CADPS2: variants seen among roughly 807,000 people sequenced by gnomAD.
CADPS2 encodes the protein calcium dependent secretion activator 2, also known as calcium-dependent secretion activator 2.
A neutral mutation model predicts 172.5 loss-of-function variants in CADPS2; 93 were observed. The ratio of observed to expected loss-of-function variants is 0.54; its 90% CI spans 0.46 to 0.64. The LOEUF (loss-of-function observed/expected upper bound fraction) is 0.64. Ranked by LOEUF, CADPS2 falls within the 30% of genes least tolerant of loss-of-function variation. The pLI is 0.00. For synonymous variants in CADPS2, 546 were observed against 555.2 expected, an observed-to-expected ratio of 0.98 and a Z score of 0.23; for missense variants, 1,420 against 1,565.9, an observed-to-expected ratio of 0.91 and a Z score of 1.57.
intron 12 of CADPS2, among the ~76,000 whole-genome samples, chr7:122,478,191 G>A (rs759886425): frequency 6.6e-6 from 1 of 152,090 alleles, no homozygotes; most frequent in Non-Finnish European, 1.5e-5. Context: ...TTCAATTAAT[G>A]TTACTATAAC....
intron 6 of CADPS2, 106 bp downstream of exon 6, chr7:122,615,075 T>G: frequency 1.8e-6 from 1 of 558,824 alleles, no homozygotes; most frequent in Non-Finnish European, 3.0e-6. Flanking sequence ...AAATAGCAGT[T>G]TTAGAGGGTA....
intron 2 of CADPS2, chr7:122,701,726 G>A: frequency 1.4e-6 from 1 of 701,714 alleles, no homozygotes; most frequent in South Asian, 2.2e-5. Context: ...TCATACTTGG[G>A]TAGAGAAGCT....
chr7:122,701,158 A>C (rs955087147), intron 2 of CADPS2, among the ~76,000 whole-genome samples: 1 of 152,134 alleles, frequency 6.6e-6, no homozygotes, highest in Non-Finnish European at 1.5e-5. Context: ...AAGAAAAAAA[A>C]ATTTGTTTTT....
At chr7:122,482,829 G>A (rs1032147079) in intron 11 of CADPS2, among the ~76,000 whole-genome samples, 1 of 152,130 alleles carries the variant, frequency 6.6e-6, no homozygotes, top group African/African-American at 2.4e-5. Context: ...GAGCTGCCCA[G>A]CAAGAGACTC....
Position 122,886,207 on chromosome 7 carries a change from G to T in CADPS2, c.131C>A (p.Ala44Glu). 2 of 1,471,550 alleles carry T rather than the reference G, an allele frequency of 1.4e-6. No individual in the cohort carries two copies. Among genetic ancestry groups the T allele is most frequent in the East Asian group, 5.5e-5 (2 of 36,070 alleles). 91.2% of individuals were successfully genotyped at this position (1,471,550 alleles called of 1,614,324 possible). A position where few individuals can be genotyped will look rare whatever the true frequency, so the allele number is the denominator to read the frequency against. Residue 44 changes from alanine to glutamate, a missense_variant, in exon 1 of 30, where the codon GCG (alanine) becomes GAG (glutamate). Physicochemically the swap from Ala to Glu is moderately radical, Grantham distance 107 (BLOSUM62 -1). Transcript: ENST00000449022. ...PAPTREGRRDAPGRAGGGGAA... is the reference protein window; with the variant it reads ...PAPTREGRRDEPGRAGGGGAA... ...GCCGCCGCCGCCCGCGCGCCCCGGC[G>T]CGTCCCGCCGCCCTTCCCGAGTCGG...
intron 6 of CADPS2, among the ~76,000 whole-genome samples, chr7:122,613,559 C>T (rs1208533696): frequency 6.6e-6 from 1 of 152,082 alleles, no homozygotes; most frequent in Non-Finnish European, 1.5e-5. Flanking sequence ...TAACACATGA[C>T]TGTATATAAT....
chr7:122,780,700 A>T (rs1363996051), intron 1 of CADPS2, among the ~76,000 whole-genome samples: 2 of 151,952 alleles, frequency 1.3e-5, no homozygotes, highest in African/African-American at 4.8e-5. Flanking sequence ...TGAGAGAGAG[A>T]GTCTCACTAT....
chr7:122,706,075 G>A (rs1214979747), intron 2 of CADPS2, among the ~76,000 whole-genome samples: 1 of 87,256 alleles, frequency 1.1e-5, no homozygotes, highest in Non-Finnish European at 2.0e-5. Flanking sequence ...ATATATATAT[G>A]TTTATATATT....
chr7:122,597,312 A>T (rs1396636133), intron 6 of CADPS2, among the ~76,000 whole-genome samples: 1 of 152,142 alleles, frequency 6.6e-6, no homozygotes, highest in African/African-American at 2.4e-5. Context: ...AGTAAGTAAA[A>T]TAACTATCAT....
At chr7:122,470,060 G>A (rs1420928560) in intron 14 of CADPS2, among the ~76,000 whole-genome samples, 1 of 152,114 alleles carries the variant, frequency 6.6e-6, no homozygotes. Flanking sequence ...GAAGAGGATG[G>A]TAATGGGAAA....
rs549860032 is a variant in CADPS2, at chr7:122,428,591, C to T, written c.2476+9750G>A. ...CAAGCGATACTCCTGCTTCAGCCTC[C>T]CGAGTAGCTGGGACTACAGCCATGC... On this transcript the variant is annotated intron_variant, in intron 17 of 29. Coordinates refer to ENST00000449022, the MANE Select transcript of CADPS2 (RefSeq NM_017954.11). 9.1e-4 allele frequency among the ~76,000 whole-genome samples: 138 copies of T among 151,912 alleles called. 1 individual carries two copies. Among genetic ancestry groups the T allele is most frequent in the Non-Finnish European group, 1.9e-3 (130 of 67,982 alleles).
In CADPS2 at chr7:122,821,568, G is replaced by A. The variant is rs529521824; in HGVS notation, c.339+64431C>T. ...GGATAGGTAGAGGCCTTTCCTACAG[G>A]GTCTGAGATGGCCACCGCAGTCATT... is the stretch of plus-strand genomic sequence containing the variant. On this transcript the variant is annotated intron_variant, in intron 1 of 29. Coordinates refer to ENST00000449022, the MANE Select transcript of CADPS2 (RefSeq NM_017954.11). Among the ~76,000 whole-genome samples, 3 of 152,088 alleles carry A rather than the reference G, an allele frequency of 2.0e-5. No homozygotes were observed. The East Asian group carries it at 5.8e-4, about 30-fold the overall frequency.
Position 122,646,134 on chromosome 7 carries a change from T to A in CADPS2, c.787-16806A>T, listed in dbSNP as rs1039176221. On this transcript the variant is annotated intron_variant, in intron 3 of 29. Transcript: ENST00000449022. ...ATAAGAGTTCAATTTATACAGCACT[T>A]GCATACCAAAAACTGTCCTAAATTT... 5.9e-5 allele frequency among the ~76,000 whole-genome samples: 9 copies of A among 152,086 alleles called. No individual in the cohort carries two copies. The East Asian group carries it at 9.7e-4, about 16-fold the overall frequency.
At chr7:122,639,737 G>C (rs191985620) in intron 3 of CADPS2, among the ~76,000 whole-genome samples, 15 of 152,242 alleles carry the variant, frequency 9.9e-5, no homozygotes, top group Admixed American at 9.2e-4. Context: ...ATTATACTAA[G>C]CCAAATATGA....
chr7:122,766,776 A>G (rs541436086), intron 1 of CADPS2, among the ~76,000 whole-genome samples: 23 of 152,306 alleles, frequency 1.5e-4, no homozygotes, highest in African/African-American at 5.5e-4. Flanking sequence ...ATGACATCAT[A>G]GCTGACAAGA....
At chr7:122,861,892 T>G (rs980030744) in intron 1 of CADPS2, among the ~76,000 whole-genome samples, 1 of 152,218 alleles carries the variant, frequency 6.6e-6, no homozygotes, top group Non-Finnish European at 1.5e-5. Flanking sequence ...AGCTAGAAGA[T>G]AGTGGAGTAA....
At chr7:122,725,329 C>T (rs867482588) in intron 2 of CADPS2, among the ~76,000 whole-genome samples, 1 of 151,198 alleles carries the variant, frequency 6.6e-6, no homozygotes, top group African/African-American at 2.4e-5. Flanking sequence ...ACTGTGAAAA[C>T]ATCTCTTTTA....
chr7:122,351,326 T>C (rs1406638536), intron 27 of CADPS2, among the ~76,000 whole-genome samples: 2 of 122,958 alleles, frequency 1.6e-5, no homozygotes, highest in East Asian at 2.5e-4. Context: ...TGAGCCAAGA[T>C]TGCGCCACTG....
chr7:122,800,020 A>G (rs1001248622), intron 1 of CADPS2, among the ~76,000 whole-genome samples: 29 of 152,218 alleles, frequency 1.9e-4, no homozygotes, highest in African/African-American at 6.3e-4. Flanking sequence ...TATCCTGGGT[A>G]GAAAACCACA....
Sources: gnomAD v4.1 joint callset for allele counts (sites outside exome capture counted in the v4.1 genomes callset) on GRCh38, gnomAD v4.1.1 for gene constraint, MANE v1.5 for transcripts, NCBI Gene and HGNC (gene_info 2026-07-23, HGNC 2026-07-21) for gene names.